DYM: variants seen among roughly 807,000 people sequenced by gnomAD.
The protein encoded by DYM is dymeclin.
DYM carries 78 observed loss-of-function variants against 93.1 expected under a neutral mutation model. The ratio of observed to expected loss-of-function variants is 0.84; its 90% CI spans 0.70 to 1.01. The LOEUF (loss-of-function observed/expected upper bound fraction) is 1.01. DYM is among the 50% of genes least tolerant of loss of function. The pLI is 0.00. For synonymous variants in DYM, 321 were observed against 319.7 expected (o/e 1.00, Z -0.04); for missense variants, 789 against 845.0 (o/e 0.93, Z 0.82).
chr18:49,250,450 T>C (rs2094260782), intron 13 of DYM, among the ~76,000 whole-genome samples: 1 of 152,180 alleles, frequency 6.6e-6, no homozygotes, highest in African/African-American at 2.4e-5. Flanking sequence ...CTTTCCTGGG[T>C]CTTTCCTTCC....
chr18:49,050,343 G>A (rs1327596819), intron 17 of DYM, among the ~76,000 whole-genome samples: 3 of 151,772 alleles, frequency 2.0e-5, no homozygotes, highest in Admixed American at 6.6e-5. Flanking sequence ...TGCCTGCCTC[G>A]GCCTCCCAAA....
At chr18:49,102,878 G>A (rs1237417286) in intron 16 of DYM, among the ~76,000 whole-genome samples, 2 of 152,150 alleles carry the variant, frequency 1.3e-5, no homozygotes, top group East Asian at 1.9e-4. Flanking sequence ...ATAAACACAC[G>A]TGTGCATGTG....
At chr18:49,412,520 T>G (rs1176912935) in intron 2 of DYM, among the ~76,000 whole-genome samples, 1 of 152,090 alleles carries the variant, frequency 6.6e-6, no homozygotes, top group Non-Finnish European at 1.5e-5. Flanking sequence ...AAAAATATAA[T>G]AAGATGCCAA....
chr18:49,129,277 TAC>T (rs2083152666), intron 15 of DYM, among the ~76,000 whole-genome samples: 1 of 152,226 alleles, frequency 6.6e-6, no homozygotes, highest in Non-Finnish European at 1.5e-5. Flanking sequence ...GTCACGTGTG[TAC>T]ACATTGTAAG....
intron 8 of DYM, among the ~76,000 whole-genome samples, chr18:49,328,145 T>C (rs1393340549): frequency 6.6e-6 from 1 of 152,208 alleles, no homozygotes; most frequent in Non-Finnish European, 1.5e-5. Flanking sequence ...TGAGAATAAA[T>C]GAGATGCTCA....
At chr18:49,225,309 C>T (rs943721489) in intron 13 of DYM, among the ~76,000 whole-genome samples, 5 of 152,072 alleles carry the variant, frequency 3.3e-5, no homozygotes, top group Non-Finnish European at 7.4e-5. Context: ...GGAAACTATA[C>T]AACAGTGGTG....
chr18:49,131,788 G>C (rs2083400859), intron 15 of DYM, among the ~76,000 whole-genome samples: 1 of 152,140 alleles, frequency 6.6e-6, no homozygotes, highest in African/African-American at 2.4e-5. Context: ...ATCTATTTAA[G>C]ACTTTAGAGC....
intron 8 of DYM, among the ~76,000 whole-genome samples, chr18:49,304,058 T>C (rs1282227045): frequency 6.6e-6 from 1 of 152,238 alleles, no homozygotes; most frequent in East Asian, 1.9e-4. Flanking sequence ...TGGCTTTATA[T>C]TGGTCATAGT....
intron 14 of DYM, among the ~76,000 whole-genome samples, chr18:49,174,795 C>T (rs2089195476): frequency 6.6e-6 from 1 of 152,024 alleles, no homozygotes; most frequent in Admixed American, 6.6e-5. Context: ...AGAGAAAACC[C>T]ATGTGCAAGA....
chr18:49,385,167 GA>G, intron 3 of DYM, among the ~76,000 whole-genome samples: 1 of 151,988 alleles, frequency 6.6e-6, no homozygotes, highest in Non-Finnish European at 1.5e-5. Context: ...CCCGGCTCCT[GA>G]AAAGATTGTA....
At chr18:49,120,038 C>T (rs2082235428) in intron 15 of DYM, among the ~76,000 whole-genome samples, 1 of 137,630 alleles carries the variant, frequency 7.3e-6, no homozygotes, top group African/African-American at 2.9e-5. Flanking sequence ...GAGATTGCTC[C>T]ACTGCATTCC....
chr18:49,189,338 A>C (rs1039968391), intron 14 of DYM, among the ~76,000 whole-genome samples: 1 of 152,216 alleles, frequency 6.6e-6, no homozygotes, highest in Non-Finnish European at 1.5e-5. Flanking sequence ...TGGGGAAAAG[A>C]ATATGAGTTC....
intron 8 of DYM, among the ~76,000 whole-genome samples, chr18:49,288,898 C>A (rs2059840647): frequency 2.0e-5 from 3 of 152,040 alleles, no homozygotes; most frequent in Admixed American, 1.3e-4. Context: ...TTTTGTAATA[C>A]AGTGTAAATA....
chr18:49,443,053 G>A (rs936712510), intron 1 of DYM, among the ~76,000 whole-genome samples: 2 of 151,888 alleles, frequency 1.3e-5, no homozygotes, highest in African/African-American at 4.8e-5. Context: ...TCACCATGTT[G>A]GCCAGGCTGG....
In DYM at chr18:49,415,214, G is replaced by A. The variant is rs573943817; in HGVS notation, c.140+15041C>T. Among the ~76,000 whole-genome samples, 142 of 151,128 alleles carry A rather than the reference G, an allele frequency of 9.4e-4. 3 individuals are homozygous for A. The highest frequency in any genetic ancestry group is 1.2e-4 in the Non-Finnish European group (8 of 67,818). ...ACACACCTGTAGTCCCAGCTACTCA[G>A]GAGCCTGAGGCAGAAGAATTGCTTG... On this transcript the variant is annotated intron_variant, in intron 2 of 17. Coordinates refer to ENST00000675505, the MANE Select transcript of DYM (RefSeq NM_001353214.3).
Position 49,066,050 on chromosome 18 carries a change from T to C in DYM, c.2026-21846A>G, listed in dbSNP as rs139818065. 4.5e-3 allele frequency among the ~76,000 whole-genome samples: 678 copies of C among 152,218 alleles called. 2 individuals are homozygous for C. The highest frequency in any genetic ancestry group is 8.1e-3 in the Non-Finnish European group (554 of 67,998). ...TAAAAACAACTTTTATTTTGTGAAA[T>C]ATAATATGCATACCGAAAAGTTCCC... On this transcript the variant is annotated intron_variant, in intron 17 of 17. Transcript: ENST00000675505.
intron 2 of DYM, among the ~76,000 whole-genome samples, chr18:49,410,356 A>G (rs9949963): frequency 0.71 from 107,756 of 151,814 alleles, 38,352 homozygotes; most frequent in Admixed American, 0.75. Context: ...CACAGTACCC[A>G]GTCACTGGAT....
intron 17 of DYM, among the ~76,000 whole-genome samples, chr18:49,082,222 G>A (rs1340306726): frequency 6.6e-6 from 1 of 152,238 alleles, no homozygotes; most frequent in East Asian, 1.9e-4. Flanking sequence ...CTTGGTCCCA[G>A]GCTAAAAGCC....
intron 2 of DYM, among the ~76,000 whole-genome samples, chr18:49,423,430 C>G (rs12965213): frequency 6.6e-6 from 1 of 151,928 alleles, no homozygotes; most frequent in Non-Finnish European, 1.5e-5. Context: ...TAAATGCCCA[C>G]AAGAGAAAGC....
Sources: gnomAD v4.1 joint callset for allele counts (sites outside exome capture counted in the v4.1 genomes callset) on GRCh38, gnomAD v4.1.1 for gene constraint, MANE v1.5 for transcripts, NCBI Gene and HGNC (gene_info 2026-07-23, HGNC 2026-07-21) for gene names.